Variants in GRK5 observed in about 807,000 individuals in gnomAD.
GRK5 encodes g protein-coupled receptor kinase GRK5.
Under a neutral mutation model 78.4 loss-of-function variants are expected in GRK5, and 40 were observed. The ratio of observed to expected loss-of-function variants is 0.51; its 90% CI spans 0.40 to 0.66. The LOEUF (loss-of-function observed/expected upper bound fraction) is 0.66, where lower values mean the gene tolerates loss of function less well. Ranked by LOEUF, GRK5 falls within the 30% of genes least tolerant of loss-of-function variation. The probability of loss-of-function intolerance (pLI) is 0.00; values close to 1 mark genes in which losing one functional copy is unlikely to be tolerated. For synonymous variants in GRK5, 289 were observed against 296.8 expected (o/e 0.97, Z 0.27); for missense variants, 598 against 759.9 (o/e 0.79, Z 2.50).
intron 9 of GRK5, among the ~76,000 whole-genome samples, chr10:119,439,090 A>G (rs1039577845): frequency 3.3e-5 from 5 of 152,238 alleles, no homozygotes; most frequent in Non-Finnish European, 5.9e-5. Flanking sequence ...CTATAAAAGC[A>G]GCTCCTCTGC....
At chr10:119,227,359 G>C (rs1034486914) in intron 1 of GRK5, among the ~76,000 whole-genome samples, 5 of 152,120 alleles carry the variant, frequency 3.3e-5, no homozygotes, top group Non-Finnish European at 7.3e-5. Context: ...TTGAGCCCAG[G>C]AGTTTGAGAC....
intron 2 of GRK5, among the ~76,000 whole-genome samples, chr10:119,345,103 A>G (rs1023014291): frequency 6.6e-5 from 10 of 151,974 alleles, no homozygotes; most frequent in South Asian, 2.1e-4. Context: ...CGAGTAGCTG[A>G]GACTACAGGC....
chr10:119,347,543 G>C (rs1851117986), intron 2 of GRK5, among the ~76,000 whole-genome samples: 1 of 152,286 alleles, frequency 6.6e-6, no homozygotes, highest in Non-Finnish European at 1.5e-5. Context: ...GGTGTTGGCT[G>C]TCTTAGGTCC....
At chr10:119,390,366 C>T (rs779231861) in intron 3 of GRK5, among the ~76,000 whole-genome samples, 1 of 152,132 alleles carries the variant, frequency 6.6e-6, no homozygotes, top group Non-Finnish European at 1.5e-5. Context: ...GAGAAGAGAG[C>T]GTGTGCAGCA....
At chr10:119,247,640 C>T (rs1849133832) in intron 1 of GRK5, among the ~76,000 whole-genome samples, 1 of 152,108 alleles carries the variant, frequency 6.6e-6, no homozygotes, top group Non-Finnish European at 1.5e-5. Flanking sequence ...TAGTTTATGC[C>T]ACCTTTGTTT....
At chr10:119,347,293 G>A (rs1044017996) in intron 2 of GRK5, among the ~76,000 whole-genome samples, 2 of 152,124 alleles carry the variant, frequency 1.3e-5, no homozygotes, top group Non-Finnish European at 2.9e-5. Flanking sequence ...GTGTGCATGT[G>A]TGTGTATACA....
chr10:119,402,251 A>G (rs2420618), intron 4 of GRK5, among the ~76,000 whole-genome samples: 151,900 of 152,286 alleles, frequency 1, 75,759 homozygotes, highest in Middle Eastern at 1. Flanking sequence ...TGGCAGGCTC[A>G]TCTCTGGTGC....
chr10:119,392,624 G>A (rs1226895805), intron 3 of GRK5, among the ~76,000 whole-genome samples: 2 of 152,176 alleles, frequency 1.3e-5, no homozygotes, highest in East Asian at 3.9e-4. Flanking sequence ...GGCTGGTCTC[G>A]AACTCCTGAC....
chr10:119,316,355 G>A (rs1369107022), intron 1 of GRK5, among the ~76,000 whole-genome samples: 1 of 152,238 alleles, frequency 6.6e-6, no homozygotes, highest in Non-Finnish European at 1.5e-5. Context: ...GAGCTGGGCT[G>A]AAGGGTGCTG....
chr10:119,285,620 C>G (rs750536282), intron 1 of GRK5, among the ~76,000 whole-genome samples: 2 of 152,204 alleles, frequency 1.3e-5, no homozygotes, highest in African/African-American at 2.4e-5. Flanking sequence ...ACCATCAGCT[C>G]TACTCTGCTT....
At position 119,287,319 on chromosome 10, in the gene GRK5, AGGGAGGG is replaced by A. The variant is rs1366963977; in HGVS notation, c.53-39196_53-39190del. On this transcript the variant is annotated intron_variant, in intron 1 of 15. Transcript: ENST00000392870. ...AGGGAAGAAAGGAAGGGAGGGAGAG[AGGGAGGG>A]AGGAAGGGAGAGAGGAGGAAGGGAA... Among the ~76,000 whole-genome samples the A allele has an allele frequency of 5.2e-3, 182 of 35,234 alleles. 21 individuals are homozygous for A. The highest frequency in any genetic ancestry group is 0.018 in the African/African-American group (177 of 9,594). 23.1% of individuals were successfully genotyped at this position (35,234 alleles called of 152,430 possible).
Position 119,265,178 on chromosome 10 carries a change from C to A in GRK5, c.52+57209C>A, listed in dbSNP as rs73450532. On this transcript the variant is annotated intron_variant, in intron 1 of 15. Coordinates refer to ENST00000392870, the MANE Select transcript of GRK5 (RefSeq NM_005308.3). ...GCCTGCTCAGGTGCTGGACTCTGTC[C>A]TCCTTGCTTTCTGTTCGTTAGTTTT... Among the ~76,000 whole-genome samples the A allele has an allele frequency of 2.7e-3, 407 of 152,302 alleles. 1 individual carries two copies. The highest frequency in any genetic ancestry group is 0.01 in the Middle Eastern group (3 of 294).
intron 2 of GRK5, among the ~76,000 whole-genome samples, chr10:119,339,622 G>A (rs528856313): frequency 2.0e-5 from 3 of 152,148 alleles, no homozygotes; most frequent in Non-Finnish European, 4.4e-5. Flanking sequence ...AGCTAGGCTC[G>A]GTGGCTCACT....
At chr10:119,261,768 G>A (rs1041089602) in intron 1 of GRK5, among the ~76,000 whole-genome samples, 1 of 152,172 alleles carries the variant, frequency 6.6e-6, no homozygotes, top group African/African-American at 2.4e-5. Context: ...GCGTGGCGGC[G>A]CGCGCCTGCA....
At chr10:119,283,490 A>G (rs1849795967) in intron 1 of GRK5, among the ~76,000 whole-genome samples, 1 of 152,258 alleles carries the variant, frequency 6.6e-6, no homozygotes, top group African/African-American at 2.4e-5. Context: ...GGAGTGAGAC[A>G]TACACGTTCC....
chr10:119,365,834 G>A (rs1003044182), intron 2 of GRK5, among the ~76,000 whole-genome samples: 25 of 152,224 alleles, frequency 1.6e-4, no homozygotes, highest in Admixed American at 1.2e-3. Flanking sequence ...AAGGCACTCC[G>A]CTTCCTGTGT....
In GRK5 at chr10:119,430,535, C is replaced by G. The variant is rs1852794518; in HGVS notation, c.597+97C>G. On this transcript the variant is annotated intron_variant, in intron 7 of 15. Transcript: ENST00000392870. The surrounding 1 kb of genome is among the most constrained non-coding windows in gnomAD (Gnocchi z 4.5). ...ACCTAAAGGGTTGGCCCACGGGTCC[C>G]CCGGGGGCACCAGTGGCTCAATGTG... The G allele has an allele frequency of 1.8e-5, 20 of 1,082,378 alleles. No individual in the cohort carries two copies. The South Asian group carries it at 2.7e-4, about 15-fold the overall frequency. The allele number at this position is 1,082,378 out of a possible 1,614,324, so 67.0% of individuals were successfully genotyped here.
intron 2 of GRK5, among the ~76,000 whole-genome samples, chr10:119,366,992 G>A (rs1336797113): frequency 6.6e-6 from 1 of 152,212 alleles, no homozygotes; most frequent in Non-Finnish European, 1.5e-5. Flanking sequence ...GATAGCACCT[G>A]TTCTGGAAGG....
At chr10:119,236,026 G>A (rs1848919083) in intron 1 of GRK5, among the ~76,000 whole-genome samples, 1 of 152,114 alleles carries the variant, frequency 6.6e-6, no homozygotes, top group Admixed American at 6.5e-5. Flanking sequence ...CTTAGACCGT[G>A]GCTGCTGCTG....
Sources: gnomAD v4.1 joint callset for allele counts (sites outside exome capture counted in the v4.1 genomes callset) on GRCh38, gnomAD v4.1.1 for gene constraint, Gnocchi (gnomAD v3.1) non-coding constraint, MANE v1.5 for transcripts, NCBI Gene and HGNC (gene_info 2026-07-23, HGNC 2026-07-21) for gene names.